Variants in AK8 observed in about 807,000 individuals in gnomAD.
AK8 encodes the protein ATP-AMP transphosphorylase 8.
In AK8, 44 loss-of-function variants were observed where a neutral mutation model predicts 54.6. The observed-to-expected ratio is 0.81, with a 90% CI of 0.63 to 1.04. AK8 has a LOEUF of 1.04. Ranked by LOEUF, AK8 falls within the 50% of genes least tolerant of loss-of-function variation. AK8 has a pLI of 0.00. For synonymous variants in AK8, 239 were observed against 245.6 expected (o/e 0.97, Z 0.25); for missense variants, 555 against 613.6 (o/e 0.90, Z 1.01).
At chr9:132,857,786 C>A (rs1843232897) in intron 4 of AK8, among the ~76,000 whole-genome samples, 1 of 152,224 alleles carries the variant, frequency 6.6e-6, no homozygotes, top group East Asian at 1.9e-4. Flanking sequence ...CCCCCTGCAG[C>A]CTGCACAGCA....
intron 11 of AK8, among the ~76,000 whole-genome samples, chr9:132,758,565 T>A (rs753132389): frequency 3.1e-4 from 47 of 152,268 alleles, no homozygotes; most frequent in Non-Finnish European, 6.3e-4. Context: ...TTCTCTTGCC[T>A]CAGCTTCCCA....
intron 5 of AK8, among the ~76,000 whole-genome samples, chr9:132,853,175 G>A (rs1456001011): frequency 6.6e-6 from 1 of 151,480 alleles, no homozygotes; most frequent in East Asian, 2.0e-4. Context: ...TGGCCAACAA[G>A]GGGGAAACCC....
intron 9 of AK8, among the ~76,000 whole-genome samples, chr9:132,822,271 A>G (rs1841672037): frequency 7.8e-6 from 1 of 127,926 alleles, no homozygotes; most frequent in South Asian, 2.6e-4. Context: ...GTATATACAA[A>G]TATATACATA....
intron 11 of AK8, among the ~76,000 whole-genome samples, chr9:132,741,902 G>A (rs975691458): frequency 6.6e-6 from 1 of 152,098 alleles, no homozygotes; most frequent in East Asian, 1.9e-4. Flanking sequence ...GGCTCTCCAA[G>A]TCTCCACCTA....
At chr9:132,810,153 C>T (rs892332256) in intron 10 of AK8, among the ~76,000 whole-genome samples, 1 of 152,180 alleles carries the variant, frequency 6.6e-6, no homozygotes, top group Admixed American at 6.5e-5. Context: ...AGTGAAATGA[C>T]AGAATTTATT....
chr9:132,874,642 T>G (rs142365908), intron 2 of AK8, among the ~76,000 whole-genome samples: 1 of 152,094 alleles, frequency 6.6e-6, no homozygotes, highest in Non-Finnish European at 1.5e-5. Context: ...CTGCAAAGGT[T>G]TGGGGAGCTC....
intron 4 of AK8, among the ~76,000 whole-genome samples, chr9:132,859,493 T>C (rs2131399238): frequency 6.6e-6 from 1 of 152,064 alleles, no homozygotes; most frequent in Non-Finnish European, 1.5e-5. Context: ...ATTACAGGTG[T>C]AAGCCACTGC....
At chr9:132,767,522 T>G (rs1408555976) in intron 11 of AK8, among the ~76,000 whole-genome samples, 1 of 152,140 alleles carries the variant, frequency 6.6e-6, no homozygotes, top group Non-Finnish European at 1.5e-5. Context: ...TGTAAATTAG[T>G]GCAGCTACTT....
chr9:132,871,796 G>A (rs1843848590), intron 2 of AK8, among the ~76,000 whole-genome samples: 1 of 152,230 alleles, frequency 6.6e-6, no homozygotes, highest in Non-Finnish European at 1.5e-5. Context: ...AGGAGACAAA[G>A]GCAGGGAGGT....
intron 11 of AK8, among the ~76,000 whole-genome samples, chr9:132,759,390 G>C (rs141957931): frequency 1.7e-4 from 26 of 152,180 alleles, no homozygotes; most frequent in Non-Finnish European, 2.9e-4. Context: ...CCCAGATTGA[G>C]TCTTTTCATT....
intron 2 of AK8, among the ~76,000 whole-genome samples, chr9:132,870,838 C>T (rs1843793922): frequency 6.6e-6 from 1 of 152,184 alleles, no homozygotes; most frequent in Non-Finnish European, 1.5e-5. Flanking sequence ...CACACCAGCC[C>T]AGGGGAACAA....
At chr9:132,763,731 A>G (rs1265766210) in intron 11 of AK8, among the ~76,000 whole-genome samples, 1 of 152,234 alleles carries the variant, frequency 6.6e-6, no homozygotes, top group East Asian at 1.9e-4. Flanking sequence ...CGCTGGTGTC[A>G]TTCTGAGCCT....
At chr9:132,831,886 C>A (rs919649184) in intron 5 of AK8, among the ~76,000 whole-genome samples, 6 of 151,882 alleles carry the variant, frequency 4.0e-5, no homozygotes, top group East Asian at 1.9e-4. Context: ...GAGACCCCCC[C>A]ACTCTACCGA....
At chr9:132,818,894 C>T (rs1225195950) in intron 9 of AK8, among the ~76,000 whole-genome samples, 1 of 151,320 alleles carries the variant, frequency 6.6e-6, no homozygotes, top group East Asian at 1.9e-4. Flanking sequence ...TTACAAGACA[C>T]ATAGTTAGAC....
chr9:132,835,315 A>G (rs1388264824), intron 5 of AK8, among the ~76,000 whole-genome samples: 1 of 152,236 alleles, frequency 6.6e-6, no homozygotes, highest in Non-Finnish European at 1.5e-5. Flanking sequence ...AGTCTACCCT[A>G]GCTCTGAGGT....
At chr9:132,774,065 C>A (rs73659479) in intron 11 of AK8, among the ~76,000 whole-genome samples, 1 of 152,146 alleles carries the variant, frequency 6.6e-6, no homozygotes, top group Non-Finnish European at 1.5e-5. Flanking sequence ...TCCTTCTCCC[C>A]ACTCCACCTT....
chr9:132,863,806 T>C, intron 3 of AK8, 28 bp from the exon 4 acceptor site: 1 of 1,529,392 alleles, frequency 6.5e-7, no homozygotes, highest in East Asian at 2.3e-5. Context: ...GAAAAGGGCA[T>C]TTTCATAAAA....
intron 11 of AK8, 137 bp from the exon 12 acceptor site, chr9:132,727,671 T>C (rs1836639605): frequency 2.7e-5 from 21 of 771,468 alleles, no homozygotes; most frequent in Middle Eastern, 2.7e-4. Flanking sequence ...GCAAGCAATG[T>C]GCCTGCAAAC....
At chr9:132,745,930 C>T (rs144764554) in intron 11 of AK8, among the ~76,000 whole-genome samples, 1 of 152,218 alleles carries the variant, frequency 6.6e-6, no homozygotes, top group African/African-American at 2.4e-5. Context: ...GCAAATGCAC[C>T]CTCCCCAAGG....
Sources: allele counts gnomAD v4.1 joint callset (sites outside exome capture counted in the v4.1 genomes callset), GRCh38; gene constraint gnomAD v4.1.1; transcripts MANE v1.5; gene names NCBI Gene and HGNC (gene_info 2026-07-23, HGNC 2026-07-21).